The following FRAS1 variants were observed in gnomAD, a reference collection of about 807,000 sequenced individuals.
FRAS1 encodes Fraser extracellular matrix complex subunit 1.
Under a neutral mutation model 435.2 loss-of-function variants are expected in FRAS1, and 290 were observed. The observed-to-expected ratio is 0.67, with a 90% CI of 0.61 to 0.73. FRAS1 has a LOEUF of 0.73. FRAS1 is among the 30% of genes least tolerant of loss of function. FRAS1 has a pLI of 0.00. For missense variants in FRAS1, 4,860 were observed against 5,001.5 expected (o/e 0.97, Z 0.85); for synonymous variants, 1,800 against 1,851.0 (o/e 0.97, Z 0.71).
chr4:78,077,187 G>A (rs1740675945), intron 2 of FRAS1, among the ~76,000 whole-genome samples: 1 of 92,720 alleles, frequency 1.1e-5, no homozygotes, highest in Non-Finnish European at 2.2e-5. Flanking sequence ...TCCATCTCCA[G>A]ACACACAGAA....
intron 50 of FRAS1, among the ~76,000 whole-genome samples, chr4:78,467,533 T>C (rs1286942191): frequency 6.6e-6 from 1 of 152,110 alleles, no homozygotes; most frequent in East Asian, 1.9e-4. Flanking sequence ...GCAACAAACA[T>C]AGGAGTGCAG....
At chr4:78,316,851 T>C (rs1729277079) in intron 16 of FRAS1, among the ~76,000 whole-genome samples, 1 of 152,210 alleles carries the variant, frequency 6.6e-6, no homozygotes, top group African/African-American at 2.4e-5. Context: ...CAGGCTTGAC[T>C]GAGGGCATTG....
At position 78,508,811 on chromosome 4, in the gene FRAS1, A is replaced by G. The variant is rs1478241612; in HGVS notation, c.9585A>G (p.Pro3195=). 2 of 1,613,570 alleles carry G rather than the reference A, an allele frequency of 1.2e-6. No homozygotes were observed. The highest frequency in any genetic ancestry group is 1.7e-6 in the Non-Finnish European group (2 of 1,179,780). Residue 3195 remains proline, a synonymous_variant, in exon 63 of 74, where the codon CCA becomes CCG. Coordinates refer to ENST00000512123, the MANE Select transcript of FRAS1 (RefSeq NM_025074.7). ...GVKKSPSPGY[P]LVCVTPCDPH... ...AGAAATCCCCCTCCCCAGGCTACCC[A>G]CTGGTCTGTGTCACCCCCTGCGACC...
At chr4:78,215,570 T>G (rs1311288555) in intron 2 of FRAS1, among the ~76,000 whole-genome samples, 1 of 152,216 alleles carries the variant, frequency 6.6e-6, no homozygotes, top group Non-Finnish European at 1.5e-5. Context: ...GAACTCTTCA[T>G]TTTGCAAAAT....
rs1043442426 is a variant in FRAS1, at chr4:78,438,037, T to G, written c.5218-533T>G. 2.8e-4 allele frequency among the ~76,000 whole-genome samples: 42 copies of G among 152,062 alleles called. 2 individuals carry two copies. Among genetic ancestry groups the G allele is most frequent in the Admixed American group, 2.7e-3 (41 of 15,256 alleles). On this transcript the variant is annotated intron_variant, in intron 38 of 73. Coordinates refer to ENST00000512123, the MANE Select transcript of FRAS1 (RefSeq NM_025074.7). ...ATACATTCTTTTGTTAATCTAAAAT[T>G]TTATCACGTTGAACATTGCTTAAAG...
intron 32 of FRAS1, 61 bp downstream of exon 32, chr4:78,413,146 A>T: frequency 1.0e-6 from 1 of 970,328 alleles, no homozygotes; most frequent in East Asian, 2.8e-5. Flanking sequence ...CGCTGATGGG[A>T]TTTGATAGAG....
chr4:78,384,097 T>C lies in FRAS1; in HGVS notation c.3602T>C (p.Phe1201Ser). Residue 1201 changes from phenylalanine to serine, a missense_variant, in exon 28 of 74, where the codon TTC becomes TCC. By Grantham distance (155) the Phe-to-Ser change is radical. Coordinates refer to ENST00000512123, the MANE Select transcript of FRAS1 (RefSeq NM_025074.7). The stretch of plus-strand genomic sequence containing the variant: ...TTCCTGAAAATTAGTGACCAGCAGT[T>C]CTTCTCTGAGCCACAGCTGATCAAC... The part of the protein sequence containing the change: ...YLFLKISDQQ[F>S]FSEPQLINIQ... 1.2e-6 allele frequency: 2 copies of C among 1,607,242 alleles called. No homozygotes were observed. The highest frequency in any genetic ancestry group is 2.3e-5 in the South Asian group (2 of 88,428).
rs183506924 is a variant in FRAS1, at chr4:78,415,821, T to C, written c.4425+2736T>C. On this transcript the variant is annotated intron_variant, in intron 32 of 73. Coordinates refer to ENST00000512123, the MANE Select transcript of FRAS1 (RefSeq NM_025074.7). Reference sequence around the variant, plus strand: ...AGTGCCATGATCAGATTTTTAATGATACATTTAGGAAGATCATTCTGGCTA... The same window carrying C: ...AGTGCCATGATCAGATTTTTAATGACACATTTAGGAAGATCATTCTGGCTA... Among the ~76,000 whole-genome samples, 536 of 152,310 alleles carry C rather than the reference T, an allele frequency of 3.5e-3. 1 individual carries two copies. The highest frequency in any genetic ancestry group is 5.8e-3 in the Non-Finnish European group (395 of 68,030).
At chr4:78,411,108 A>AT (rs369399937) in intron 31 of FRAS1, among the ~76,000 whole-genome samples, 6,223 of 142,738 alleles carry the variant, frequency 0.044, 541 homozygotes, top group African/African-American at 0.15. Flanking sequence ...AGTTGCATGG[A>AT]TTTTTTTTCT....
At chr4:78,337,362 G>A (rs1316121785) in intron 19 of FRAS1, among the ~76,000 whole-genome samples, 5 of 152,124 alleles carry the variant, frequency 3.3e-5, no homozygotes, top group Admixed American at 1.3e-4. Context: ...TTTCTGCTCT[G>A]TGACTATGAT....
chr4:78,314,598 T>A (rs1389315312), intron 15 of FRAS1, among the ~76,000 whole-genome samples: 3 of 152,222 alleles, frequency 2.0e-5, no homozygotes, highest in Non-Finnish European at 4.4e-5. Flanking sequence ...TTCAATCTCA[T>A]TGCCTTTCCT....
chr4:78,063,423 C>T (rs1390546738), intron 1 of FRAS1, among the ~76,000 whole-genome samples: 1 of 152,202 alleles, frequency 6.6e-6, no homozygotes, highest in African/African-American at 2.4e-5. Context: ...CTCATTCATG[C>T]AGCTGCCTTC....
At chr4:78,526,060 T>A (rs1160143908) in intron 69 of FRAS1, among the ~76,000 whole-genome samples, 3 of 152,184 alleles carry the variant, frequency 2.0e-5, no homozygotes, top group Admixed American at 2.0e-4. Flanking sequence ...TGTCCTGGAA[T>A]CCTGAGGCAT....
At position 78,522,707 on chromosome 4, in the gene FRAS1, A is replaced by T. The variant is rs1721423001; in HGVS notation, c.10707A>T (p.Pro3569=). ...LPEVKSFVLT[P]DHLGGIEFDL... is the part of the protein sequence containing the mutation. ...AAGTGAAATCTTTCGTATTGACTCC[A>T]GACCACCTAGGAGGAATTGAATTTG... Residue 3569 remains proline (P), a synonymous_variant, in exon 69 of 74, where the codon CCA becomes CCT. Transcript: ENST00000512123. 6.2e-7 allele frequency: 1 copy of T among 1,611,116 alleles called. No homozygotes were observed.
At chr4:78,182,643 C>G (rs1001660269) in intron 2 of FRAS1, among the ~76,000 whole-genome samples, 1 of 151,836 alleles carries the variant, frequency 6.6e-6, no homozygotes, top group African/African-American at 2.4e-5. Flanking sequence ...TTTGGGAGGC[C>G]GAGGCAGGCG....
Position 78,496,702 on chromosome 4 carries a change from A to G in FRAS1, c.8959-103A>G, listed in dbSNP as rs959732450. 6 of 1,085,592 alleles carry G rather than the reference A, an allele frequency of 5.5e-6. No homozygotes were observed. The South Asian group carries it at 8.8e-5, about 16-fold the overall frequency. 67.2% of individuals were successfully genotyped at this position (1,085,592 alleles called of 1,614,324 possible). On this transcript the variant is annotated intron_variant, in intron 59 of 73. Coordinates refer to ENST00000512123, the MANE Select transcript of FRAS1 (RefSeq NM_025074.7). ...ACTGGATCCTTTTGAATTTGTGTGG[A>G]CTTTTTGATGCAATAAAGAAGAAAG...
In FRAS1 at chr4:78,499,783, A is replaced by G; in HGVS notation, c.9178A>G (p.Ile3060Val). 6.2e-7 allele frequency: 1 copy of G among 1,613,964 alleles called. No individual in the cohort carries two copies. Among genetic ancestry groups the G allele is most frequent in the Non-Finnish European group, 8.5e-7 (1 of 1,179,850 alleles). The change falls in exon 61 of 74, where the codon ATT becomes GTT. Residue 3060 changes from isoleucine to valine, a missense_variant. Coordinates refer to ENST00000512123, the MANE Select transcript of FRAS1 (RefSeq NM_025074.7). ...CCGGGAACCCGCAGGCCCAGATGCC[A>G]TTGCGATTCTGAACATCAAGGTGAT... is the stretch of plus-strand genomic sequence containing the variant. ...QVREPAGPDAIAILNIKVIRR... is the reference protein window; with the variant it reads ...QVREPAGPDAVAILNIKVIRR...
At chr4:78,467,223 C>G (rs1453305773) in intron 50 of FRAS1, among the ~76,000 whole-genome samples, 1 of 152,184 alleles carries the variant, frequency 6.6e-6, no homozygotes, top group Admixed American at 6.5e-5. Flanking sequence ...TCTCTGCCCC[C>G]TTACTACTCT....
At chr4:78,518,434 A>G (rs909800730) in intron 66 of FRAS1, among the ~76,000 whole-genome samples, 6 of 59,524 alleles carry the variant, frequency 1.0e-4, no homozygotes, top group Admixed American at 2.1e-4. Flanking sequence ...ATATATATAT[A>G]TATATATATA....
Sources: gnomAD v4.1 joint callset for allele counts (sites outside exome capture counted in the v4.1 genomes callset) on GRCh38, gnomAD v4.1.1 for gene constraint, MANE v1.5 for transcripts, NCBI Gene and HGNC (gene_info 2026-07-23, HGNC 2026-07-21) for gene names.